ABCA13: variants seen among roughly 807,000 people sequenced by gnomAD.
The protein encoded by ABCA13 is ATP-binding cassette sub-family A member 13.
A neutral mutation model predicts 478.7 loss-of-function variants in ABCA13; 476 were observed. That is an observed-to-expected ratio of 0.99 (90% CI 0.92 to 1.07). The LOEUF (loss-of-function observed/expected upper bound fraction) is 1.07, where lower values mean the gene tolerates loss of function less well. ABCA13 is among the 50% of genes least tolerant of loss of function. The probability of loss-of-function intolerance (pLI) is 0.00; values close to 1 mark genes in which losing one functional copy is unlikely to be tolerated. For missense variants in ABCA13, 6,060 were observed against 5,910.6 expected (o/e 1.03, Z -0.83); for synonymous variants, 2,252 against 2,158.9 (o/e 1.04, Z -1.20).
chr7:48,198,005 A>G (rs1324499724), intron 2 of ABCA13, among the ~76,000 whole-genome samples: 1 of 152,220 alleles, frequency 6.6e-6, no homozygotes, highest in Non-Finnish European at 1.5e-5. Context: ...ATGGCTGCTC[A>G]GAGCCATTCT....
At chr7:48,447,613 G>T (rs1158903786) in intron 42 of ABCA13, among the ~76,000 whole-genome samples, 2 of 152,136 alleles carry the variant, frequency 1.3e-5, no homozygotes, top group African/African-American at 4.8e-5. Flanking sequence ...GAGGTTAAAG[G>T]AACTGCAGAG....
At chr7:48,333,505 G>A (rs564461484) in intron 27 of ABCA13, among the ~76,000 whole-genome samples, 13 of 152,054 alleles carry the variant, frequency 8.5e-5, no homozygotes, top group Non-Finnish European at 1.9e-4. Flanking sequence ...TTTTTATAAT[G>A]GGTGGTTTTC....
chr7:48,586,022 G>A (rs979222985), intron 56 of ABCA13, among the ~76,000 whole-genome samples: 5 of 152,188 alleles, frequency 3.3e-5, no homozygotes, highest in African/African-American at 1.2e-4. Context: ...ATACACAGAA[G>A]AGGTGACACA....
chr7:48,425,207 A>G (rs1049119199), intron 41 of ABCA13, among the ~76,000 whole-genome samples: 1 of 152,168 alleles, frequency 6.6e-6, no homozygotes, highest in African/African-American at 2.4e-5. Flanking sequence ...ACATTCACAC[A>G]TGTTCATACA....
At chr7:48,250,433 T>C (rs907549272) in intron 15 of ABCA13, among the ~76,000 whole-genome samples, 6 of 152,116 alleles carry the variant, frequency 3.9e-5, no homozygotes, top group African/African-American at 1.4e-4. Context: ...ACCTTCTAAT[T>C]ACAGGGTTGG....
chr7:48,516,505 A>T (rs1563380907), intron 51 of ABCA13, among the ~76,000 whole-genome samples: 1 of 152,066 alleles, frequency 6.6e-6, no homozygotes, highest in African/African-American at 2.4e-5. Flanking sequence ...TAATTGTTCT[A>T]TTTTATACTA....
intron 55 of ABCA13, among the ~76,000 whole-genome samples, chr7:48,569,686 A>G (rs1351000020): frequency 6.6e-6 from 1 of 152,042 alleles, no homozygotes; most frequent in Non-Finnish European, 1.5e-5. Context: ...CACCATGGCC[A>G]GCTAATTTTT....
intron 24 of ABCA13, among the ~76,000 whole-genome samples, chr7:48,311,936 CCT>C (rs1801842486): frequency 6.6e-6 from 1 of 152,148 alleles, no homozygotes. Flanking sequence ...GCGCTGGATC[CCT>C]GTCACTCCCC....
Position 48,278,230 on chromosome 7 carries a change from T to A in ABCA13, c.7036T>A (p.Leu2346Ile). The A allele has an allele frequency of 6.2e-7, 1 of 1,608,748 alleles. No homozygotes were observed. The highest frequency in any genetic ancestry group is 8.5e-7 in the Non-Finnish European group (1 of 1,176,674). ...TCACCTAATGAAAAGTTCATTTATA[T>A]TAGACAATGGAGAATTTTATTTTGA... Reference protein sequence around the residue: ...IYHLMKSSFILDNGEFYFDTH... With the variant: ...IYHLMKSSFIIDNGEFYFDTH... Residue 2346 changes from leucine to isoleucine, a missense_variant, in exon 18 of 62, where the codon TTA (leucine) becomes ATA (isoleucine). Physicochemically the swap from Leu to Ile is conservative, Grantham distance 5. Around this residue, in one of 3 missense-constraint regions of ABCA13, gnomAD observed 4,423 missense variants for 4,309.1 expected, o/e 1.03. Coordinates refer to ENST00000435803, the MANE Select transcript of ABCA13 (RefSeq NM_152701.5).
chr7:48,266,366 G>A (rs971949970), intron 15 of ABCA13, among the ~76,000 whole-genome samples: 27 of 151,704 alleles, frequency 1.8e-4, no homozygotes, highest in African/African-American at 6.3e-4. Flanking sequence ...TTAAATGTTT[G>A]GTAGATTTCA....
chr7:48,430,755 G>C (rs1374036569), intron 42 of ABCA13, among the ~76,000 whole-genome samples: 1 of 150,274 alleles, frequency 6.7e-6, no homozygotes, highest in Non-Finnish European at 1.5e-5. Flanking sequence ...CGTTTTCTTG[G>C]TTAATCTAGC....
At chr7:48,549,792 G>T (rs1326935218) in intron 55 of ABCA13, among the ~76,000 whole-genome samples, 1 of 151,730 alleles carries the variant, frequency 6.6e-6, no homozygotes, top group Non-Finnish European at 1.5e-5. Flanking sequence ...TTGTGGTTTT[G>T]ATTTACATTT....
intron 31 of ABCA13, among the ~76,000 whole-genome samples, chr7:48,353,994 T>A (rs975342601): frequency 3.3e-5 from 5 of 152,028 alleles, no homozygotes; most frequent in Admixed American, 6.5e-5. Context: ...CTAAAGCATG[T>A]TTCTTGGAGG....
At chr7:48,253,793 A>G (rs755026613) in intron 15 of ABCA13, among the ~76,000 whole-genome samples, 3 of 152,284 alleles carry the variant, frequency 2.0e-5, no homozygotes, top group African/African-American at 7.2e-5. Context: ...ATGTTTCTTC[A>G]TATTTATCCA....
intron 27 of ABCA13, among the ~76,000 whole-genome samples, chr7:48,325,271 A>G (rs1162837250): frequency 6.6e-6 from 1 of 152,166 alleles, no homozygotes; most frequent in Non-Finnish European, 1.5e-5. Context: ...TGCTAGGTAT[A>G]TGAGCCAAGG....
At chr7:48,428,250 G>T (rs1240286010) in intron 42 of ABCA13, among the ~76,000 whole-genome samples, 1 of 152,174 alleles carries the variant, frequency 6.6e-6, no homozygotes, top group Non-Finnish European at 1.5e-5. Flanking sequence ...CCTGGTAATG[G>T]ATTTGCATGG....
In ABCA13 at chr7:48,202,713, T is replaced by G. The variant is rs535107331; in HGVS notation, c.287+4353T>G. Reference sequence around the variant, plus strand: ...ACTGGTGCACTCACAAACCCTGAGCTAGACACAGGGTGCTGATTGGTGTAT... The same window carrying G: ...ACTGGTGCACTCACAAACCCTGAGCGAGACACAGGGTGCTGATTGGTGTAT... On this transcript the variant is annotated intron_variant, in intron 3 of 61. Coordinates refer to ENST00000435803, the MANE Select transcript of ABCA13 (RefSeq NM_152701.5). 2.0e-5 allele frequency among the ~76,000 whole-genome samples: 3 copies of G among 152,156 alleles called. No homozygotes were observed. In the East Asian group the frequency reaches 5.8e-4, roughly 29 times the overall value.
chr7:48,321,297 TGA>T (rs1803416461), intron 27 of ABCA13, among the ~76,000 whole-genome samples: 1 of 152,070 alleles, frequency 6.6e-6, no homozygotes. Flanking sequence ...GTGCTGAGGT[TGA>T]GAAACCCCAG....
At chr7:48,586,914 C>T (rs1789241136) in intron 56 of ABCA13, among the ~76,000 whole-genome samples, 1 of 152,160 alleles carries the variant, frequency 6.6e-6, no homozygotes, top group Admixed American at 6.5e-5. Context: ...TCTCCCTGAA[C>T]TCTAGATGTG....
Sources: allele counts gnomAD v4.1 joint callset (sites outside exome capture counted in the v4.1 genomes callset), GRCh38; gene constraint gnomAD v4.1.1; regional missense constraint gnomAD v4.1.1; transcripts MANE v1.5; gene names NCBI Gene and HGNC (gene_info 2026-07-23, HGNC 2026-07-21).